The following PCNT variants were observed in gnomAD, a reference collection of about 807,000 sequenced individuals.
The protein encoded by PCNT is kendrin.
In PCNT, 319 loss-of-function variants were observed where a neutral mutation model predicts 380.4. The ratio of observed to expected loss-of-function variants is 0.84; its 90% confidence interval spans 0.77 to 0.92. PCNT has a LOEUF of 0.92. Among genes scored for constraint, PCNT ranks in the 40% least tolerant of loss-of-function variants. The probability of loss-of-function intolerance (pLI) is 0.00; values close to 1 mark genes in which losing one functional copy is unlikely to be tolerated. For synonymous variants in PCNT, 1,845 were observed against 1,735.2 expected (o/e 1.06, Z -1.57); for missense variants, 4,400 against 4,255.3 (o/e 1.03, Z -0.95).
rs1349837188 is a variant in PCNT at position 46,403,652 on chromosome 21, A to G, written c.5115+1169A>G. 5.2e-4 allele frequency among the ~76,000 whole-genome samples: 64 copies of G among 124,118 alleles called. 1 individual carries two copies. Among genetic ancestry groups the G allele is most frequent in the African/African-American group, 1.5e-3 (49 of 31,784 alleles). The allele number at this position is 124,118 out of a possible 152,430, so 81.4% of individuals were successfully genotyped here. Reference sequence around the variant, plus strand: ...TGCCCACGTGGCACATGCTCGGTGAATGAACACAGCGTGGGAGAATCGTGT... The same window carrying G: ...TGCCCACGTGGCACATGCTCGGTGAGTGAACACAGCGTGGGAGAATCGTGT... On this transcript the variant is annotated intron_variant, in intron 27 of 46. Transcript: ENST00000359568.
chr21:46,334,165 A>G (rs2083653280), intron 2 of PCNT, among the ~76,000 whole-genome samples: 2 of 151,330 alleles, frequency 1.3e-5, no homozygotes, highest in South Asian at 4.2e-4. Context: ...AGATTGTGCC[A>G]CTGCACTCCA....
chr21:46,413,834 T>C (rs964649366), intron 29 of PCNT, among the ~76,000 whole-genome samples: 1 of 152,084 alleles, frequency 6.6e-6, no homozygotes, highest in East Asian at 1.9e-4. Context: ...CATCTCAAAT[T>C]GTAGCAGGGT....
At chr21:46,430,329 C>A in intron 36 of PCNT, 97 bp downstream of exon 36, 4 of 1,400,962 alleles carry the variant, frequency 2.9e-6, no homozygotes, top group Non-Finnish European at 3.0e-6. Context: ...TGGTGGGCCG[C>A]AGTTGGGCAG....
intron 34 of PCNT, 93 bp downstream of exon 34, chr21:46,427,888 G>A (rs1249784189): frequency 4.2e-6 from 6 of 1,419,908 alleles, no homozygotes; most frequent in South Asian, 1.2e-5. Context: ...TGTGAATTTC[G>A]GTTTGTGTGT....
chr21:46,396,100 A>G lies in PCNT; in HGVS notation c.4217-1165A>G, dbSNP rs186089624. Among the ~76,000 whole-genome samples the G allele has an allele frequency of 3.1e-3, 469 of 152,226 alleles. 3 individuals are homozygous for G. Among genetic ancestry groups the G allele is most frequent in the African/African-American group, 0.011 (448 of 41,536 alleles). Reference sequence around the variant, plus strand: ...CAGAGACTCCATCTCAGAAATAATAATAATAAAATGGAGGCTTCAGGACTT... The same window carrying G: ...CAGAGACTCCATCTCAGAAATAATAGTAATAAAATGGAGGCTTCAGGACTT... On this transcript the variant is annotated intron_variant, in intron 21 of 46. Transcript: ENST00000359568.
At chr21:46,349,946 G>A in intron 8 of PCNT, 126 bp downstream of exon 8, 2 of 942,602 alleles carry the variant, frequency 2.1e-6, no homozygotes, top group South Asian at 1.4e-5. Context: ...GAGACTGGCT[G>A]GGAACAGTGG....
intron 15 of PCNT, among the ~76,000 whole-genome samples, chr21:46,380,520 G>T (rs1014660667): frequency 6.0e-5 from 9 of 151,034 alleles, no homozygotes; most frequent in Non-Finnish European, 1.3e-4. Flanking sequence ...CAAGGTGCCC[G>T]GCAGGTGGGC....
chr21:46,364,398 G>A (rs149118221), intron 14 of PCNT, among the ~76,000 whole-genome samples: 1 of 152,022 alleles, frequency 6.6e-6, no homozygotes, highest in Non-Finnish European at 1.5e-5. Context: ...GGCAGCTGCC[G>A]CCCCAAAGCC....
intron 25 of PCNT, 113 bp downstream of exon 25, chr21:46,399,909 A>T: frequency 5.7e-6 from 5 of 875,796 alleles, no homozygotes; most frequent in South Asian, 5.3e-5. Flanking sequence ...GGCAGCCACC[A>T]CGTCTGCACC....
chr21:46,388,540 A>G lies in PCNT; in HGVS notation c.3465-202A>G, dbSNP rs925984655. On this transcript the variant is annotated intron_variant, in intron 17 of 46. Coordinates refer to ENST00000359568, the MANE Select transcript of PCNT (RefSeq NM_006031.6). The surrounding 1 kb of genome is among the most constrained non-coding windows in gnomAD (Gnocchi z 4.2). ...TCACCTAGGAAAGCCCGTGTCCCTGAGTGGGCTCCACGTGGTTGTCTTGTC... is the reference window on the plus strand; with the variant it reads ...TCACCTAGGAAAGCCCGTGTCCCTGGGTGGGCTCCACGTGGTTGTCTTGTC... Among the ~76,000 whole-genome samples the G allele has an allele frequency of 6.6e-6, 1 of 152,326 alleles. No individual in the cohort carries two copies. Among genetic ancestry groups the G allele is most frequent in the Non-Finnish European group, 1.5e-5 (1 of 68,014 alleles).
intron 4 of PCNT, 34 bp from the exon 5 acceptor site, chr21:46,346,709 T>C (rs758747906): frequency 1.4e-5 from 22 of 1,580,016 alleles, no homozygotes; most frequent in Non-Finnish European, 1.6e-5. Flanking sequence ...GTTCTGACCA[T>C]GGGCCCTTAT....
intron 1 of PCNT, chr21:46,325,058 C>T (rs1032998951): frequency 1.0e-6 from 1 of 985,502 alleles, no homozygotes; most frequent in Non-Finnish European, 1.2e-6. Flanking sequence ...CTTTCTCCCG[C>T]CCCGGGTTTC....
intron 3 of PCNT, among the ~76,000 whole-genome samples, chr21:46,344,069 CT>C (rs1336295644): frequency 1.6e-3 from 226 of 142,184 alleles, no homozygotes; most frequent in African/African-American, 2.3e-3. Context: ...CTTTTCTTTT[CT>C]TTTTTTTTTT....
chr21:46,415,964 C>A, intron 29 of PCNT, 105 bp from the exon 30 acceptor site: 1 of 1,046,828 alleles, frequency 9.6e-7, no homozygotes, highest in Non-Finnish European at 1.5e-6. Context: ...TGTGGAATCA[C>A]CCGAGTGCTC....
Position 46,326,701 on chromosome 21 carries a change from G to C in PCNT, c.267+112G>C, listed in dbSNP as rs2083405948. On this transcript the variant is annotated intron_variant, in intron 2 of 46. Coordinates refer to ENST00000359568, the MANE Select transcript of PCNT (RefSeq NM_006031.6). ...TTTTTGCCTTTCAAAAGTGAGGAAAGAGGGTGTTATTTTAGTTTATAAAAA... is the reference window on the plus strand; with the variant it reads ...TTTTTGCCTTTCAAAAGTGAGGAAACAGGGTGTTATTTTAGTTTATAAAAA... The C allele has an allele frequency of 1.0e-5, 12 of 1,165,544 alleles. 1 individual carries two copies. In the South Asian group the frequency reaches 1.5e-4, roughly 15 times the overall value. 72.2% of individuals were successfully genotyped at this position (1,165,544 alleles called of 1,614,324 possible).
chr21:46,411,654 G>A lies in PCNT; in HGVS notation c.5581G>A (p.Ala1861Thr), dbSNP rs772822584. Residue 1861 changes from alanine to threonine, a missense_variant, in exon 28 of 47, where the codon GCG becomes ACG. Ala to Thr is a moderately conservative substitution (Grantham distance 58). Transcript: ENST00000359568. ...DMASRIQEFE[A>T]ALKAKEATIA... ...GGCCTCCCGGATCCAGGAGTTCGAAGCGGCCCTGAAAGCAAAGGAAGCGAC... is the reference window on the plus strand; with the variant it reads ...GGCCTCCCGGATCCAGGAGTTCGAAACGGCCCTGAAAGCAAAGGAAGCGAC... 10 of 1,613,072 alleles carry A rather than the reference G, an allele frequency of 6.2e-6. No homozygotes were observed. In the South Asian group the frequency reaches 6.6e-5, roughly 11 times the overall value.
intron 15 of PCNT, among the ~76,000 whole-genome samples, chr21:46,377,728 G>A (rs2147091158): frequency 6.6e-6 from 1 of 152,238 alleles, no homozygotes; most frequent in East Asian, 1.9e-4. Context: ...TGCCCATATA[G>A]TTCCAGCTAC....
At position 46,378,088 on chromosome 21, in the gene PCNT, G is replaced by A. The variant is rs553010203; in HGVS notation, c.3166-3606G>A. Among the ~76,000 whole-genome samples the A allele has an allele frequency of 2.7e-4, 41 of 152,148 alleles. 2 individuals are homozygous for A. The South Asian group carries it at 7.7e-3, about 28-fold the overall frequency. ...GCATATCTTATGCCCTTTTTGTTCT[G>A]TATTCCTCCATTACTGCCTTTTTTC... is the stretch of plus-strand genomic sequence containing the variant. On this transcript the variant is annotated intron_variant, in intron 15 of 46. Transcript: ENST00000359568.
intron 27 of PCNT, among the ~76,000 whole-genome samples, chr21:46,404,224 C>T (rs1215331650): frequency 6.6e-6 from 1 of 152,230 alleles, no homozygotes; most frequent in Non-Finnish European, 1.5e-5. Context: ...GTGGGAGAGT[C>T]TCAAAAAACA....
Sources: gnomAD v4.1 joint callset for allele counts (sites outside exome capture counted in the v4.1 genomes callset) on GRCh38, gnomAD v4.1.1 for gene constraint, Gnocchi (gnomAD v3.1) non-coding constraint, MANE v1.5 for transcripts, NCBI Gene and HGNC (gene_info 2026-07-23, HGNC 2026-07-21) for gene names.